The following TENM2 variants were observed in gnomAD, a reference collection of about 807,000 sequenced individuals.
The protein encoded by TENM2 is teneurin-2.
In TENM2, 52 loss-of-function variants were observed where a neutral mutation model predicts 245.2. The observed-to-expected ratio is 0.21, with a 90% CI of 0.17 to 0.27. The LOEUF (loss-of-function observed/expected upper bound fraction) is 0.27, where lower values mean the gene tolerates loss of function less well. Ranked by LOEUF, TENM2 falls within the 10% of genes least tolerant of loss-of-function variation. The pLI is 1.00. For synonymous variants in TENM2, 1,363 were observed against 1,438.9 expected, an observed-to-expected ratio of 0.95 and a Z score of 1.19; for missense variants, 3,046 against 3,666.8, an observed-to-expected ratio of 0.83 and a Z score of 4.37.
intron 1 of TENM2, among the ~76,000 whole-genome samples, chr5:167,327,736 C>G (rs1212349407): frequency 6.6e-6 from 1 of 152,022 alleles, no homozygotes; most frequent in Non-Finnish European, 1.5e-5. Flanking sequence ...GAAAAGAGTT[C>G]TAGAATGTGT....
intron 2 of TENM2, chr5:167,755,337 C>G (rs966473995): frequency 3.4e-6 from 2 of 589,252 alleles, no homozygotes; most frequent in African/African-American, 3.7e-5. Flanking sequence ...GATTTCGCAC[C>G]GCAGTTGTCT....
At chr5:167,431,970 T>TATATATATATAC (rs199737580) in intron 2 of TENM2, among the ~76,000 whole-genome samples, 13 of 135,524 alleles carry the variant, frequency 9.6e-5, no homozygotes, top group South Asian at 2.2e-4. Flanking sequence ...TGTATATATA[T>TATATATATATAC]ATATATATGG....
At chr5:167,974,446 A>G (rs185076704) in intron 4 of TENM2, among the ~76,000 whole-genome samples, 67 of 149,564 alleles carry the variant, frequency 4.5e-4, no homozygotes, top group African/African-American at 1.6e-3. Context: ...GAAGGAGGGA[A>G]GAAAGAAGGA....
In TENM2 at chr5:168,218,128, C is replaced by G; in HGVS notation, c.4237C>G (p.Arg1413Gly). The change falls in exon 23 of 29, where the codon CGT becomes GGT. Residue 1413 changes from arginine (R) to glycine (G), a missense_variant. By Grantham distance (125) the Arg-to-Gly change is moderately radical (BLOSUM62 -2). Coordinates refer to ENST00000518659, the Ensembl canonical transcript of TENM2. This position sits in a 1 kb window ranked among gnomAD's most constrained non-coding sequence, Gnocchi z 5.2. Reference sequence around the variant, plus strand: ...TCTGATACCACGTCATCCACAGGTTCGTCTGGAGTGGCCAACAGACCTTGC... The same window carrying G: ...TCTGATACCACGTCATCCACAGGTTGGTCTGGAGTGGCCAACAGACCTTGC... The G allele has an allele frequency of 6.2e-7, 1 of 1,611,236 alleles. No individual in the cohort carries two copies.
intron 1 of TENM2, among the ~76,000 whole-genome samples, chr5:167,350,571 A>ATAT (rs747110560): frequency 2.1e-5 from 3 of 142,818 alleles, no homozygotes; most frequent in Non-Finnish European, 4.6e-5. Context: ...GGATATATAT[A>ATAT]GATATATATA....
At chr5:167,614,344 C>T (rs560478535) in intron 2 of TENM2, among the ~76,000 whole-genome samples, 5 of 152,190 alleles carry the variant, frequency 3.3e-5, no homozygotes, top group Middle Eastern at 3.4e-3. Flanking sequence ...CCTTTCCCTA[C>T]GTTTTGCATA....
At chr5:167,252,272 T>C in the TENM2 span, among the ~76,000 whole-genome samples, 16 of 152,178 alleles carry the variant, frequency 1.1e-4, no homozygotes, top group African/African-American at 3.4e-4. Flanking sequence ...CTACAGAGGC[T>C]GAGTCCAAAG....
the TENM2 span, among the ~76,000 whole-genome samples, chr5:167,207,354 G>A: frequency 2.6e-5 from 4 of 152,150 alleles, no homozygotes; most frequent in Admixed American, 6.5e-5. Flanking sequence ...ACTGAGTTCC[G>A]GCCAATTGTT....
intron 13 of TENM2, among the ~76,000 whole-genome samples, chr5:168,163,831 A>G (rs1011588581): frequency 5.9e-5 from 9 of 152,212 alleles, no homozygotes; most frequent in African/African-American, 1.9e-4. Flanking sequence ...CATCTAATCT[A>G]TAACTAAGGT....
chr5:167,043,716 G>T, the TENM2 span, among the ~76,000 whole-genome samples: 14 of 152,090 alleles, frequency 9.2e-5, no homozygotes, highest in Non-Finnish European at 2.1e-4. Context: ...TTGTGTTTTA[G>T]AAATACTGTT....
At chr5:167,085,669 G>C in the TENM2 span, among the ~76,000 whole-genome samples, 1 of 152,160 alleles carries the variant, frequency 6.6e-6, no homozygotes, top group Admixed American at 6.5e-5. Flanking sequence ...TGATTCAAAA[G>C]CTCCTGTCTT....
At chr5:167,553,661 C>T (rs2127626336) in intron 2 of TENM2, among the ~76,000 whole-genome samples, 1 of 152,298 alleles carries the variant, frequency 6.6e-6, no homozygotes, top group East Asian at 1.9e-4. Context: ...GATCAGCATG[C>T]CTTCTGCACA....
chr5:167,774,214 G>GAGGAAGGA (rs200752272), intron 2 of TENM2, among the ~76,000 whole-genome samples: 21,238 of 111,082 alleles, frequency 0.19, 2,408 homozygotes, highest in Middle Eastern at 0.29. Flanking sequence ...GGGAGGGAGG[G>GAGGAAGGA]AGGAAGGAAG....
intron 3 of TENM2, among the ~76,000 whole-genome samples, chr5:167,933,232 C>T (rs1294545526): frequency 2.0e-5 from 3 of 152,172 alleles, no homozygotes; most frequent in Non-Finnish European, 4.4e-5. Flanking sequence ...TTTGTTAGGC[C>T]TTCAGCTAGG....
At chr5:167,357,523 G>A (rs970628841) in intron 1 of TENM2, among the ~76,000 whole-genome samples, 8 of 152,144 alleles carry the variant, frequency 5.3e-5, no homozygotes, top group Non-Finnish European at 1.0e-4. Context: ...GCCTCCCAAA[G>A]TGCTGGGATT....
intron 2 of TENM2, among the ~76,000 whole-genome samples, chr5:167,407,996 G>A (rs1031548942): frequency 1.3e-5 from 2 of 152,250 alleles, no homozygotes; most frequent in East Asian, 1.9e-4. Flanking sequence ...GTACTTGGAA[G>A]TTCATACAAT....
intron 3 of TENM2, chr5:167,937,826 T>G (rs1397715330): frequency 6.6e-6 from 1 of 152,176 alleles, no homozygotes; most frequent in Non-Finnish European, 1.5e-5. Flanking sequence ...TATAGAGAGA[T>G]GAGGACTGGA....
intron 2 of TENM2, among the ~76,000 whole-genome samples, chr5:167,465,842 A>G (rs778985177): frequency 6.6e-6 from 1 of 151,948 alleles, no homozygotes; most frequent in Non-Finnish European, 1.5e-5. Context: ...AAAAGAAAGA[A>G]AGAAAGAAAG....
the TENM2 span, among the ~76,000 whole-genome samples, chr5:167,097,861 T>C: frequency 2.6e-5 from 4 of 152,192 alleles, no homozygotes; most frequent in Non-Finnish European, 5.9e-5. Flanking sequence ...TTGGTAAACA[T>C]AGACCTCGAC....
Sources: allele counts gnomAD v4.1 joint callset (sites outside exome capture counted in the v4.1 genomes callset), GRCh38; gene constraint gnomAD v4.1.1; non-coding constraint Gnocchi (gnomAD v3.1); transcripts MANE v1.5; gene names NCBI Gene and HGNC (gene_info 2026-07-23, HGNC 2026-07-21).